Variants in HSD17B12 observed in about 807,000 individuals in gnomAD.
HSD17B12 encodes very-long-chain 3-oxoacyl-CoA reductase.
A neutral mutation model predicts 39.3 loss-of-function variants in HSD17B12; 32 were observed. The observed-to-expected ratio is 0.81, with a 90% CI of 0.61 to 1.09. The LOEUF (loss-of-function observed/expected upper bound fraction) is 1.09, where lower values mean the gene tolerates loss of function less well. HSD17B12 is among the 50% of genes least tolerant of loss of function. The probability of loss-of-function intolerance (pLI) is 0.00; values close to 1 mark genes in which losing one functional copy is unlikely to be tolerated. For missense variants in HSD17B12, 342 were observed against 382.9 expected (o/e 0.89, Z 0.89); for synonymous variants, 150 against 146.7 (o/e 1.02, Z -0.16).
At chr11:43,570,741 C>T in the HSD17B12 span, among the ~76,000 whole-genome samples, 1 of 152,212 alleles carries the variant, frequency 6.6e-6, no homozygotes, top group African/African-American at 2.4e-5. Flanking sequence ...TTCTCAAAGA[C>T]AATCACTACT....
intron 7 of HSD17B12, among the ~76,000 whole-genome samples, chr11:43,835,618 A>G (rs1951362037): frequency 6.6e-6 from 1 of 152,180 alleles, no homozygotes; most frequent in South Asian, 2.1e-4. Flanking sequence ...TCACTTTGGT[A>G]CAATTTTAAA....
the HSD17B12 span, among the ~76,000 whole-genome samples, chr11:43,575,221 A>G: frequency 6.6e-6 from 1 of 152,248 alleles, no homozygotes; most frequent in Admixed American, 6.5e-5. This position sits in a 1 kb window ranked among gnomAD's most constrained non-coding sequence, Gnocchi z 4.1. Context: ...GAAGCTGTAT[A>G]ACTGGCTGAT....
At chr11:43,716,662 A>G (rs2134851692) in intron 1 of HSD17B12, among the ~76,000 whole-genome samples, 1 of 150,776 alleles carries the variant, frequency 6.6e-6, no homozygotes, top group Admixed American at 6.6e-5. Flanking sequence ...TAGTTGGGAC[A>G]ATTAAACAAA....
chr11:43,595,839 C>CGA, the HSD17B12 span, among the ~76,000 whole-genome samples: 4 of 151,294 alleles, frequency 2.6e-5, no homozygotes, highest in Non-Finnish European at 4.4e-5. Context: ...ACACACAGAG[C>CGA]GAGAGAGAGA....
chr11:43,786,690 A>G (rs1303011806), intron 3 of HSD17B12, among the ~76,000 whole-genome samples: 1 of 152,252 alleles, frequency 6.6e-6, no homozygotes, highest in Non-Finnish European at 1.5e-5. Flanking sequence ...CAAAATTTAA[A>G]AAACAACATG....
chr11:43,768,003 G>A lies in HSD17B12; in HGVS notation c.283+13882G>A, dbSNP rs530718043. ...AAGGCATCTCTGTTTAGGAACTGCT[G>A]ATGGATCAATACTCTCATTTTATAA... On this transcript the variant is annotated intron_variant, in intron 3 of 10. Transcript: ENST00000278353. Among the ~76,000 whole-genome samples, 44 of 152,334 alleles carry A rather than the reference G, an allele frequency of 2.9e-4. No homozygotes were observed. In the East Asian group the frequency reaches 7.5e-3, roughly 26 times the overall value.
chr11:43,768,769 G>A (rs1950621817), intron 3 of HSD17B12, among the ~76,000 whole-genome samples: 1 of 152,210 alleles, frequency 6.6e-6, no homozygotes, highest in Non-Finnish European at 1.5e-5. Context: ...AGAGCGGGTT[G>A]CCGTGGCTGG....
At chr11:43,726,596 C>T (rs1397494904) in intron 1 of HSD17B12, among the ~76,000 whole-genome samples, 2 of 152,168 alleles carry the variant, frequency 1.3e-5, no homozygotes, top group African/African-American at 2.4e-5. Context: ...ATCCTTTTCT[C>T]ATAGGGAGAG....
At chr11:43,642,914 T>A in the HSD17B12 span, among the ~76,000 whole-genome samples, 2 of 152,120 alleles carry the variant, frequency 1.3e-5, no homozygotes, top group South Asian at 4.1e-4. Context: ...AAGCTAAATG[T>A]AATAGTAAGG....
At chr11:43,626,041 G>C in the HSD17B12 span, among the ~76,000 whole-genome samples, 91 of 151,530 alleles carry the variant, frequency 6.0e-4, no homozygotes, top group South Asian at 5.2e-3. Flanking sequence ...TTAGTTAAAA[G>C]TTTTATTTTC....
intron 6 of HSD17B12, chr11:43,830,605 C>G (rs1951298905): frequency 6.4e-6 from 1 of 155,172 alleles, no homozygotes; most frequent in East Asian, 1.9e-4. Context: ...CTTAAGTCAT[C>G]TTGGTAGGCA....
the HSD17B12 span, among the ~76,000 whole-genome samples, chr11:43,648,267 T>A: frequency 6.6e-6 from 1 of 152,168 alleles, no homozygotes; most frequent in African/African-American, 2.4e-5. Context: ...CTTAAAACCA[T>A]TTTCACCTAA....
rs544681489 is a variant in HSD17B12, at chr11:43,697,424, A to G, written c.160+16437A>G. Among the ~76,000 whole-genome samples, 12 of 152,350 alleles carry G rather than the reference A, an allele frequency of 7.9e-5. No individual in the cohort carries two copies. The South Asian group carries it at 2.5e-3, about 32-fold the overall frequency. ...ATGTTTATTAAAAAGCTTACCATGT[A>G]CCAGGTACTTTTCTAAATATCTTAA... is the stretch of plus-strand genomic sequence containing the variant. On this transcript the variant is annotated intron_variant, in intron 1 of 10. Coordinates refer to ENST00000278353, the MANE Select transcript of HSD17B12 (RefSeq NM_016142.3).
chr11:43,750,210 A>G (rs1950452177), intron 1 of HSD17B12, among the ~76,000 whole-genome samples: 1 of 152,102 alleles, frequency 6.6e-6, no homozygotes, highest in South Asian at 2.1e-4. Context: ...ATCCTGGAAG[A>G]TTCCCGTATT....
chr11:43,633,844 G>A, the HSD17B12 span, among the ~76,000 whole-genome samples: 1 of 151,878 alleles, frequency 6.6e-6, no homozygotes, highest in Admixed American at 6.6e-5. Flanking sequence ...TGAGGCCGAA[G>A]TGGGTGTATC....
the HSD17B12 span, among the ~76,000 whole-genome samples, chr11:43,619,674 G>A: frequency 3.9e-5 from 6 of 152,156 alleles, no homozygotes; most frequent in East Asian, 1.2e-3. Flanking sequence ...TTACAGGTGT[G>A]AGCCACCATG....
chr11:43,744,440 G>A (rs919867915), intron 1 of HSD17B12, among the ~76,000 whole-genome samples: 3 of 152,076 alleles, frequency 2.0e-5, no homozygotes, highest in African/African-American at 4.8e-5. Flanking sequence ...AGAAGACAAC[G>A]GAGAGTTGTC....
chr11:43,689,599 G>C (rs1949833354), intron 1 of HSD17B12, among the ~76,000 whole-genome samples: 1 of 151,888 alleles, frequency 6.6e-6, no homozygotes. Context: ...CAGGCTGGAG[G>C]GCTGTGGTGT....
intron 1 of HSD17B12, among the ~76,000 whole-genome samples, chr11:43,709,865 T>C (rs1950048914): frequency 6.6e-6 from 1 of 152,058 alleles, no homozygotes; most frequent in African/African-American, 2.4e-5. Flanking sequence ...GCTTCATCAG[T>C]GTGAATGGTG....
Sources: gnomAD v4.1 joint callset for allele counts (sites outside exome capture counted in the v4.1 genomes callset) on GRCh38, gnomAD v4.1.1 for gene constraint, Gnocchi (gnomAD v3.1) non-coding constraint, MANE v1.5 for transcripts, NCBI Gene and HGNC (gene_info 2026-07-23, HGNC 2026-07-21) for gene names.